The following CHN2 variants were observed in gnomAD, a reference collection of about 807,000 sequenced individuals.
CHN2 encodes beta-chimaerin.
CHN2 carries 35 observed loss-of-function variants against 56.3 expected under a neutral mutation model. That is an observed-to-expected ratio of 0.62 (90% confidence interval 0.47 to 0.82). The LOEUF (loss-of-function observed/expected upper bound fraction) is 0.82, where lower values mean the gene tolerates loss of function less well. CHN2 is among the 40% of genes least tolerant of loss of function. CHN2 has a pLI of 0.00. For synonymous variants in CHN2, 210 were observed against 212.8 expected, an observed-to-expected ratio of 0.99 and a Z score of 0.12; for missense variants, 491 against 580.5, an observed-to-expected ratio of 0.85 and a Z score of 1.58.
intron 1 of CHN2, among the ~76,000 whole-genome samples, chr7:29,200,306 T>G (rs1784047754): frequency 6.6e-6 from 1 of 150,884 alleles, no homozygotes; most frequent in Admixed American, 6.6e-5. Context: ...TCCTTCCCTC[T>G]CTTCTTTCCT....
rs535396228 is a variant in CHN2 at position 29,500,780 on chromosome 7, T to C, written c.913+740T>C. Among the ~76,000 whole-genome samples, 7 of 152,312 alleles carry C rather than the reference T, an allele frequency of 4.6e-5. No homozygotes were observed. The South Asian group carries it at 8.3e-4, about 18-fold the overall frequency. On this transcript the variant is annotated intron_variant, in intron 9 of 12. Coordinates refer to ENST00000222792, the MANE Select transcript of CHN2 (RefSeq NM_004067.4). ...ACCACATAAAAATGTGCTCCTAATA[T>C]TCATCGTTTATTTCGAAGAGGAGAG...
chr7:29,280,927 C>T (rs1018761703), intron 1 of CHN2, among the ~76,000 whole-genome samples: 2 of 152,152 alleles, frequency 1.3e-5, no homozygotes, highest in Non-Finnish European at 2.9e-5. Context: ...GAAACCCCAT[C>T]TCTACTAAAA....
chr7:29,358,419 TAAAAG>T (rs1176864782), intron 2 of CHN2, among the ~76,000 whole-genome samples: 1 of 152,076 alleles, frequency 6.6e-6, no homozygotes, highest in African/African-American at 2.4e-5. Flanking sequence ...AATTTAAAAA[TAAAAG>T]AAAATTAGTC....
At chr7:29,266,474 A>G (rs1421652746) in intron 1 of CHN2, among the ~76,000 whole-genome samples, 1 of 152,198 alleles carries the variant, frequency 6.6e-6, no homozygotes, top group Admixed American at 6.5e-5. Flanking sequence ...GGTCTTTGTA[A>G]TTGTTATTCT....
intron 1 of CHN2, among the ~76,000 whole-genome samples, chr7:29,273,353 A>ATATATATATATATATGTGTG (rs1790862524): frequency 1.6e-5 from 1 of 63,372 alleles, no homozygotes; most frequent in African/African-American, 7.6e-5. Context: ...GTATATATAT[A>ATATATATATATATATGTGTG]TATATATATA....
intron 3 of CHN2, among the ~76,000 whole-genome samples, chr7:29,372,105 A>G (rs1468670069): frequency 1.3e-5 from 2 of 152,052 alleles, no homozygotes; most frequent in African/African-American, 2.4e-5. Flanking sequence ...TGCCGTGCCT[A>G]TGAGCCATAG....
chr7:29,264,883 A>AAC (rs566253397), intron 1 of CHN2, among the ~76,000 whole-genome samples: 5,367 of 151,514 alleles, frequency 0.035, 311 homozygotes, highest in African/African-American at 0.12. Flanking sequence ...AAAAAAAAAA[A>AAC]AACAAGTTAA....
chr7:29,426,492 TG>T (rs1027075422), intron 6 of CHN2, among the ~76,000 whole-genome samples: 10 of 152,214 alleles, frequency 6.6e-5, no homozygotes, highest in African/African-American at 2.4e-4. Context: ...TAGTGACAAC[TG>T]CCCCTAGATT....
At chr7:29,228,447 T>A (rs1029385277) in intron 1 of CHN2, among the ~76,000 whole-genome samples, 5 of 152,242 alleles carry the variant, frequency 3.3e-5, no homozygotes, top group South Asian at 2.1e-4. Flanking sequence ...TGTCTAGGTT[T>A]GTGTAAGCAC....
chr7:29,475,748 A>G (rs1347937437), intron 6 of CHN2, among the ~76,000 whole-genome samples: 1 of 152,242 alleles, frequency 6.6e-6, no homozygotes, highest in Non-Finnish European at 1.5e-5. Flanking sequence ...GCTAAGTGAA[A>G]TATCTAAAGA....
In CHN2 at chr7:29,167,676, G is replaced by A. The variant is rs559605588; in HGVS notation, c.274+20716G>A. Reference sequence around the variant, plus strand: ...TGCTCTACATCTTCACCAATATTTGGTTTTGTCAGACTATATAGTTTTGCC... The same window carrying A: ...TGCTCTACATCTTCACCAATATTTGATTTTGTCAGACTATATAGTTTTGCC... On this transcript the variant is annotated intron_variant, in intron 2 of 6. Transcript: ENST00000439384. 7.2e-5 allele frequency among the ~76,000 whole-genome samples: 11 copies of A among 152,210 alleles called. No homozygotes were observed. The South Asian group carries it at 1.9e-3, about 26-fold the overall frequency.
intron 6 of CHN2, among the ~76,000 whole-genome samples, chr7:29,425,435 T>A (rs989206458): frequency 2.6e-5 from 4 of 152,096 alleles, no homozygotes; most frequent in African/African-American, 7.2e-5. Flanking sequence ...TACAAGAAAC[T>A]CAGGTTTTGG....
At chr7:29,478,221 C>G (rs1301370682) in intron 6 of CHN2, among the ~76,000 whole-genome samples, 1 of 152,112 alleles carries the variant, frequency 6.6e-6, no homozygotes, top group Non-Finnish European at 1.5e-5. Flanking sequence ...TTCTAAAGAA[C>G]AGAGCAAGCT....
chr7:29,413,160 T>G (rs1295793413), intron 6 of CHN2, among the ~76,000 whole-genome samples: 1 of 152,246 alleles, frequency 6.6e-6, no homozygotes, highest in African/African-American at 2.4e-5. Context: ...AAAGTTAATA[T>G]TTCACTTTGT....
chr7:29,206,716 A>C (rs1225918394), intron 1 of CHN2, among the ~76,000 whole-genome samples: 1 of 152,224 alleles, frequency 6.6e-6, no homozygotes, highest in Non-Finnish European at 1.5e-5. Flanking sequence ...AATAGTGAAC[A>C]CTGAAGAAAC....
intron 6 of CHN2, among the ~76,000 whole-genome samples, chr7:29,474,223 G>T: frequency 6.6e-6 from 1 of 152,064 alleles, no homozygotes; most frequent in East Asian, 1.9e-4. Context: ...TCTTTTAATT[G>T]TCTTTGTTAA....
At chr7:29,483,978 A>G (rs1316853066) in intron 7 of CHN2, 1 of 822,226 alleles carries the variant, frequency 1.2e-6, no homozygotes, top group Non-Finnish European at 1.8e-6. Context: ...GGCACCCAGT[A>G]AGTATTCATT....
chr7:29,444,382 C>T (rs970514366), intron 6 of CHN2, among the ~76,000 whole-genome samples: 1 of 152,138 alleles, frequency 6.6e-6, no homozygotes, highest in African/African-American at 2.4e-5. Flanking sequence ...AGAGATGGCT[C>T]ATCTCTGTTC....
chr7:29,385,116 T>C (rs1161333321), intron 3 of CHN2, among the ~76,000 whole-genome samples: 1 of 152,228 alleles, frequency 6.6e-6, no homozygotes, highest in Admixed American at 6.5e-5. Context: ...TCTGATATAT[T>C]TCCTTAAGTA....
Sources: gnomAD v4.1 joint callset for allele counts (sites outside exome capture counted in the v4.1 genomes callset) on GRCh38, gnomAD v4.1.1 for gene constraint, MANE v1.5 for transcripts, NCBI Gene and HGNC (gene_info 2026-07-23, HGNC 2026-07-21) for gene names.